CTNNA3: variants seen among roughly 807,000 people sequenced by gnomAD.
CTNNA3 encodes catenin alpha-3.
Under a neutral mutation model 95.7 loss-of-function variants are expected in CTNNA3, and 76 were observed. The ratio of observed to expected loss-of-function variants is 0.79; its 90% confidence interval spans 0.66 to 0.96. The LOEUF (loss-of-function observed/expected upper bound fraction) is 0.96, where lower values mean the gene tolerates loss of function less well. Ranked by LOEUF, CTNNA3 falls within the 40% of genes least tolerant of loss-of-function variation. CTNNA3 has a pLI of 0.00. For missense variants in CTNNA3, 1,191 were observed against 1,089.8 expected, an observed-to-expected ratio of 1.09 and a Z score of -1.31; for synonymous variants, 431 against 374.4, an observed-to-expected ratio of 1.15 and a Z score of -1.74.
chr10:66,660,769 T>C (rs56778532), intron 9 of CTNNA3, among the ~76,000 whole-genome samples: 36,957 of 152,018 alleles, frequency 0.24, 4,949 homozygotes, highest in African/African-American at 0.35. Context: ...CTATTTAAAA[T>C]TGATCTCTAC....
rs567792107 is a variant in CTNNA3, at chr10:67,502,792, C to A, written c.579+19050G>T. The stretch of plus-strand genomic sequence containing the variant: ...TGAGGGGAAAACTGCCTACTCAAAC[C>A]TCAGTAATGGCAGACATCCCTCCCC... On this transcript the variant is annotated intron_variant, in intron 5 of 17. Coordinates refer to ENST00000433211, the MANE Select transcript of CTNNA3 (RefSeq NM_013266.4). Among the ~76,000 whole-genome samples, 173 of 152,306 alleles carry A rather than the reference C, an allele frequency of 1.1e-3. 5 individuals are homozygous for A. The South Asian group carries it at 0.034, about 30-fold the overall frequency.
At chr10:67,503,156 T>C (rs1022242855) in intron 5 of CTNNA3, among the ~76,000 whole-genome samples, 2 of 152,216 alleles carry the variant, frequency 1.3e-5, no homozygotes, top group African/African-American at 4.8e-5. Flanking sequence ...AAAAGCATAG[T>C]GTCTGGGCCG....
chr10:67,709,728 C>T (rs1315922229), intron 1 of CTNNA3, among the ~76,000 whole-genome samples: 1 of 151,654 alleles, frequency 6.6e-6, no homozygotes, highest in Non-Finnish European at 1.5e-5. Flanking sequence ...GATTGGTTTA[C>T]CCAGAACCCC....
At chr10:67,258,778 A>G (rs1037101960) in intron 5 of CTNNA3, among the ~76,000 whole-genome samples, 3 of 152,160 alleles carry the variant, frequency 2.0e-5, no homozygotes, top group Non-Finnish European at 2.9e-5. Flanking sequence ...TTTTCAAGCC[A>G]AGTATTGTTT....
rs552738416 is a variant in CTNNA3, at chr10:66,647,869, T to A, written c.1282-26085A>T. Among the ~76,000 whole-genome samples the A allele has an allele frequency of 6.6e-5, 10 of 152,090 alleles. No homozygotes were observed. In the South Asian group the frequency reaches 1.5e-3, roughly 22 times the overall value. On this transcript the variant is annotated intron_variant, in intron 9 of 17. Transcript: ENST00000433211. ...TGAAAAGAAGAAGAAAAGAGAAGCA[T>A]ATGCTATCAAAAAAGAAATTCAGTG...
chr10:67,267,710 G>C (rs1321329424), intron 5 of CTNNA3, among the ~76,000 whole-genome samples: 2 of 152,126 alleles, frequency 1.3e-5, no homozygotes, highest in Non-Finnish European at 2.9e-5. Flanking sequence ...GTGATATTTA[G>C]AAATATGAAT....
intron 12 of CTNNA3, among the ~76,000 whole-genome samples, chr10:66,346,211 GTATA>G (rs368554085): frequency 5.0e-4 from 53 of 105,472 alleles, no homozygotes; most frequent in African/African-American, 1.6e-3. Context: ...ATGTGTGTGT[GTATA>G]TATATATATA....
chr10:67,083,015 C>A (rs370592456), intron 7 of CTNNA3, among the ~76,000 whole-genome samples: 1 of 152,146 alleles, frequency 6.6e-6, no homozygotes, highest in Non-Finnish European at 1.5e-5. Flanking sequence ...CCAGAAGCCA[C>A]CTGTGTGTTC....
At chr10:66,723,095 T>C (rs1158381511) in intron 9 of CTNNA3, among the ~76,000 whole-genome samples, 2 of 152,050 alleles carry the variant, frequency 1.3e-5, no homozygotes, top group African/African-American at 4.8e-5. Flanking sequence ...TTTACCCTGC[T>C]CCTGCCTAGC....
At chr10:66,450,507 C>T (rs1165247225) in intron 11 of CTNNA3, among the ~76,000 whole-genome samples, 4 of 152,058 alleles carry the variant, frequency 2.6e-5, no homozygotes, top group South Asian at 4.2e-4. Flanking sequence ...TCAGAAATAA[C>T]GTTGTATTCA....
intron 10 of CTNNA3, among the ~76,000 whole-genome samples, chr10:66,543,736 A>G (rs1160540370): frequency 2.6e-5 from 4 of 151,438 alleles, no homozygotes; most frequent in Non-Finnish European, 5.9e-5. Context: ...TCTGAATCTT[A>G]TTTCAATTAT....
At chr10:67,069,815 C>G (rs1284790397) in intron 7 of CTNNA3, among the ~76,000 whole-genome samples, 1 of 152,018 alleles carries the variant, frequency 6.6e-6, no homozygotes, top group Non-Finnish European at 1.5e-5. Flanking sequence ...TTCTTTTTAC[C>G]TAAGGACCCA....
chr10:66,213,646 G>C (rs2088319862), intron 13 of CTNNA3, among the ~76,000 whole-genome samples: 1 of 152,132 alleles, frequency 6.6e-6, no homozygotes, highest in African/African-American at 2.4e-5. Context: ...TCCTAAATCA[G>C]TTTTGGACTC....
chr10:65,975,163 A>C (rs1306015367), intron 16 of CTNNA3, among the ~76,000 whole-genome samples: 1 of 152,166 alleles, frequency 6.6e-6, no homozygotes, highest in Non-Finnish European at 1.5e-5. Flanking sequence ...CAAAGAATTC[A>C]ACTCTTCTGC....
chr10:66,688,564 AC>A (rs1847388140), intron 9 of CTNNA3, among the ~76,000 whole-genome samples: 1 of 152,118 alleles, frequency 6.6e-6, no homozygotes, highest in Admixed American at 6.5e-5. Flanking sequence ...TAGCCAATTC[AC>A]CAGTTACTTT....
intron 12 of CTNNA3, among the ~76,000 whole-genome samples, chr10:66,348,648 A>T (rs2092543387): frequency 6.6e-6 from 1 of 152,154 alleles, no homozygotes; most frequent in Non-Finnish European, 1.5e-5. Context: ...ATACAAAAAG[A>T]GACATACATT....
intron 3 of CTNNA3, among the ~76,000 whole-genome samples, chr10:67,542,817 G>A (rs977639105): frequency 1.3e-5 from 2 of 152,044 alleles, no homozygotes; most frequent in African/African-American, 4.8e-5. Context: ...AATTTAGCCA[G>A]TTCACTGTCA....
At chr10:67,159,626 G>A (rs1209272320) in intron 7 of CTNNA3, among the ~76,000 whole-genome samples, 1 of 152,152 alleles carries the variant, frequency 6.6e-6, no homozygotes, top group Non-Finnish European at 1.5e-5. Context: ...TGGGGAAAAG[G>A]TAGTTCCTTC....
rs1164244191 is a variant in CTNNA3, at chr10:65,988,775, T to C, written c.2182A>G (p.Thr728Ala). Residue 728 changes from threonine (T) to alanine (A), a missense_variant, in exon 16 of 18, where the codon ACA becomes GCA. Physicochemically the swap from Thr to Ala is moderately conservative, Grantham distance 58. Coordinates refer to ENST00000433211, the MANE Select transcript of CTNNA3 (RefSeq NM_013266.4). ...TTCGCTGCATAGATCACATCAGTTG[T>C]ATGCTTTAGTGGTCCTTTGCCCCTG... The part of the protein sequence containing the change: ...FTRGKGPLKH[T>A]TDVIYAAKMI... The C allele has an allele frequency of 6.2e-7, 1 of 1,613,460 alleles. No individual in the cohort carries two copies. Among genetic ancestry groups the C allele is most frequent in the African/African-American group, 1.3e-5 (1 of 74,918 alleles).
Sources: gnomAD v4.1 joint callset for allele counts (sites outside exome capture counted in the v4.1 genomes callset) on GRCh38, gnomAD v4.1.1 for gene constraint, MANE v1.5 for transcripts, NCBI Gene and HGNC (gene_info 2026-07-23, HGNC 2026-07-21) for gene names.